Variants in PCCA observed in about 807,000 individuals in gnomAD.
PCCA encodes the protein propionyl-CoA carboxylase subunit alpha, also known as propionyl-CoA carboxylase alpha chain, mitochondrial.
In PCCA, 74 loss-of-function variants were observed where a neutral mutation model predicts 101.3. The ratio of observed to expected loss-of-function variants is 0.73; its 90% CI spans 0.61 to 0.89. The LOEUF is 0.89. Ranked by LOEUF, PCCA falls within the 40% of genes least tolerant of loss-of-function variation. The pLI is 0.00. For synonymous variants in PCCA, 294 were observed against 313.6 expected (o/e 0.94, Z 0.66); for missense variants, 891 against 907.0 (o/e 0.98, Z 0.23).
chr13:100,314,472 G>A, intron 16 of PCCA, among the ~76,000 whole-genome samples: 1 of 152,122 alleles, frequency 6.6e-6, no homozygotes, highest in Non-Finnish European at 1.5e-5. Context: ...TTGGAGGGTG[G>A]GGGTGGGGCT....
chr13:100,353,548 A>T (rs1396637927), intron 18 of PCCA, among the ~76,000 whole-genome samples: 1 of 152,230 alleles, frequency 6.6e-6, no homozygotes, highest in Non-Finnish European at 1.5e-5. Flanking sequence ...AAAATTACAG[A>T]GGAAACTAGA....
intron 21 of PCCA, among the ~76,000 whole-genome samples, chr13:100,503,339 A>C (rs957717114): frequency 6.6e-6 from 1 of 151,914 alleles, no homozygotes; most frequent in Non-Finnish European, 1.5e-5. Flanking sequence ...AAAAATACAA[A>C]ATTAGTTGGG....
At chr13:100,130,816 A>G (rs2050430124) in intron 4 of PCCA, among the ~76,000 whole-genome samples, 1 of 152,120 alleles carries the variant, frequency 6.6e-6, no homozygotes, top group African/African-American at 2.4e-5. Context: ...CACTGATGAA[A>G]CTCAGCTGGG....
chr13:100,096,702 A>G (rs2046805213), intron 1 of PCCA, among the ~76,000 whole-genome samples: 1 of 152,248 alleles, frequency 6.6e-6, no homozygotes, highest in Non-Finnish European at 1.5e-5. Context: ...CTGATTAAAA[A>G]AAGTGAAACA....
chr13:100,258,577 G>GA (rs2062233230), intron 9 of PCCA, among the ~76,000 whole-genome samples: 1 of 152,022 alleles, frequency 6.6e-6, no homozygotes, highest in South Asian at 2.1e-4. Flanking sequence ...TTCATCTTAG[G>GA]ATCTCAGGTT....
chr13:100,302,773 TA>T (rs1338196904), intron 13 of PCCA, 150 bp from the exon 14 acceptor site: 3 of 678,500 alleles, frequency 4.4e-6, no homozygotes, highest in Non-Finnish European at 8.2e-6. Context: ...TTGTCTAGCG[TA>T]AAAGACAATA....
intron 4 of PCCA, among the ~76,000 whole-genome samples, chr13:100,130,483 T>C (rs1315760827): frequency 2.0e-5 from 3 of 152,224 alleles, no homozygotes; most frequent in Non-Finnish European, 4.4e-5. Flanking sequence ...AGGCATTCAT[T>C]TATTTAATTA....
chr13:100,351,304 A>G (rs1453288014), intron 18 of PCCA, among the ~76,000 whole-genome samples: 1 of 152,178 alleles, frequency 6.6e-6, no homozygotes, highest in African/African-American at 2.4e-5. Flanking sequence ...CCTTGTTCCA[A>G]AAAAAGATTT....
At chr13:100,310,282 G>A (rs141884396) in intron 16 of PCCA, among the ~76,000 whole-genome samples, 1 of 152,068 alleles carries the variant, frequency 6.6e-6, no homozygotes, top group Admixed American at 6.6e-5. Context: ...CTATATATGC[G>A]AGTTTAGATA....
intron 19 of PCCA, among the ~76,000 whole-genome samples, chr13:100,392,894 A>C (rs1200801658): frequency 6.6e-6 from 1 of 151,726 alleles, no homozygotes; most frequent in Non-Finnish European, 1.5e-5. Flanking sequence ...GAGAAGGTTG[A>C]GTGACTCACC....
At chr13:100,237,915 T>C in intron 8 of PCCA, among the ~76,000 whole-genome samples, 1 of 150,430 alleles carries the variant, frequency 6.6e-6, no homozygotes, top group East Asian at 1.9e-4. Flanking sequence ...TGCCTTTTCT[T>C]CCACTTTCTT....
intron 8 of PCCA, among the ~76,000 whole-genome samples, chr13:100,255,518 C>A (rs547522991): frequency 5.3e-5 from 8 of 152,132 alleles, no homozygotes; most frequent in Non-Finnish European, 1.0e-4. Context: ...TCTCTCAGCT[C>A]TTGTGGCTTC....
chr13:100,435,971 A>G (rs2079900337), intron 20 of PCCA, among the ~76,000 whole-genome samples: 1 of 151,968 alleles, frequency 6.6e-6, no homozygotes, highest in Non-Finnish European at 1.5e-5. Flanking sequence ...TGAACCCAGG[A>G]GGTGGAGGTT....
At chr13:100,506,168 A>G (rs1566476259) in intron 21 of PCCA, among the ~76,000 whole-genome samples, 1 of 152,124 alleles carries the variant, frequency 6.6e-6, no homozygotes, top group African/African-American at 2.4e-5. Flanking sequence ...GACGGGGGCC[A>G]CATCGCCCTG....
intron 4 of PCCA, among the ~76,000 whole-genome samples, chr13:100,139,906 T>C (rs2051653338): frequency 6.6e-6 from 1 of 152,086 alleles, no homozygotes; most frequent in African/African-American, 2.4e-5. Context: ...CATTCCAGTT[T>C]TTTTTTGTTT....
chr13:100,193,819 CCTGTAATCCCAGCA>C (rs1484311261), intron 6 of PCCA, among the ~76,000 whole-genome samples: 3 of 152,114 alleles, frequency 2.0e-5, no homozygotes, highest in Admixed American at 1.3e-4. Flanking sequence ...GTGGCTCATG[CCTGTAATCCCAGCA>C]CTTTGGGAGG....
intron 21 of PCCA, among the ~76,000 whole-genome samples, chr13:100,451,763 TC>T: frequency 9.0e-6 from 1 of 110,718 alleles, no homozygotes; most frequent in African/African-American, 3.6e-5. Context: ...TCCCTCTCTG[TC>T]CTCTTCCTCT....
rs978337712 is a variant in PCCA at position 100,394,968 on chromosome 13, T to C, written c.1746+26394T>C. Among the ~76,000 whole-genome samples the C allele has an allele frequency of 2.6e-5, 4 of 152,256 alleles. No homozygotes were observed. Among genetic ancestry groups the C allele is most frequent in the African/African-American group, 9.6e-5 (4 of 41,554 alleles). On this transcript the variant is annotated intron_variant, in intron 19 of 23. Transcript: ENST00000376285. This position sits in a 1 kb window ranked among gnomAD's most constrained non-coding sequence, Gnocchi z 4.3. ...AATTACATTTCAGGGGGTTGTGATC[T>C]CTCCCAGAATCCCGTTCATGCATTG...
At chr13:100,151,390 G>A (rs1315329812) in intron 4 of PCCA, among the ~76,000 whole-genome samples, 1 of 152,080 alleles carries the variant, frequency 6.6e-6, no homozygotes. Flanking sequence ...TCGGGAGTTC[G>A]AGACCAGCCT....
Sources: gnomAD v4.1 joint callset for allele counts (sites outside exome capture counted in the v4.1 genomes callset) on GRCh38, gnomAD v4.1.1 for gene constraint, Gnocchi (gnomAD v3.1) non-coding constraint, MANE v1.5 for transcripts, NCBI Gene and HGNC (gene_info 2026-07-23, HGNC 2026-07-21) for gene names.